The following SLC18A1 variants were observed in gnomAD, a reference collection of about 807,000 sequenced individuals.
SLC18A1 encodes the protein solute carrier family 18 member A1.
Under a neutral mutation model 53.7 loss-of-function variants are expected in SLC18A1, and 69 were observed. That is an observed-to-expected ratio of 1.28 (90% CI 1.06 to 1.57). SLC18A1 has a LOEUF of 1.57. SLC18A1 is among the 40% of genes most tolerant of loss of function. The pLI is 0.00. For missense variants in SLC18A1, 932 were observed against 668.1 expected (o/e 1.40, Z -4.35); for synonymous variants, 320 against 248.1 (o/e 1.29, Z -2.72).
intron 10 of SLC18A1, among the ~76,000 whole-genome samples, chr8:20,158,157 G>T (rs1212540706): frequency 2.6e-5 from 4 of 152,120 alleles, no homozygotes; most frequent in Non-Finnish European, 4.4e-5. Flanking sequence ...TTGAGGGCCA[G>T]GAGGTTAACT....
intron 10 of SLC18A1, among the ~76,000 whole-genome samples, chr8:20,163,779 A>G (rs898697585): frequency 6.6e-5 from 10 of 152,140 alleles, no homozygotes; most frequent in Admixed American, 2.0e-4. Flanking sequence ...GACTTTACAG[A>G]CCAGATAGCA....
chr8:20,179,136 C>G lies in SLC18A1; in HGVS notation c.473G>C (p.Gly158Ala). The change falls in exon 3 of 16, where the codon GGC becomes GCC. Residue 158 changes from glycine to alanine, a missense_variant. By Grantham distance (60) the Gly-to-Ala change is moderately conservative. Transcript: ENST00000276373. ...AGTGAGATACCTGTTGGTGAGAGGG[C>G]CCACGAATGGGTTGACCAGAAGTTG... The part of the protein sequence containing the change: ...VMQLLVNPFV[G>A]PLTNRIGYHI... The G allele has an allele frequency of 6.2e-7, 1 of 1,611,256 alleles. No individual in the cohort carries two copies.
At chr8:20,166,434 A>G (rs572998276) in intron 8 of SLC18A1, among the ~76,000 whole-genome samples, 20 of 150,870 alleles carry the variant, frequency 1.3e-4, no homozygotes, top group Admixed American at 4.0e-4. Flanking sequence ...AAAAGAATAC[A>G]TAGTGTGCTG....
chr8:20,154,609 T>A (rs2071637317), intron 10 of SLC18A1, among the ~76,000 whole-genome samples: 1 of 152,160 alleles, frequency 6.6e-6, no homozygotes, highest in South Asian at 2.1e-4. Context: ...CATCTGGGTC[T>A]CAGTAGGGCA....
chr8:20,177,997 T>C (rs759722440), intron 4 of SLC18A1, among the ~76,000 whole-genome samples: 1 of 152,198 alleles, frequency 6.6e-6, no homozygotes, highest in African/African-American at 2.4e-5. Context: ...ATTTTCCAGA[T>C]GTTATTGTCC....
intron 3 of SLC18A1, 39 bp from the exon 4 acceptor site, chr8:20,178,532 C>A (rs1908809): frequency 0.55 from 821,153 of 1,494,020 alleles, 228,025 homozygotes; most frequent in Non-Finnish European, 0.58. Context: ...ACAATTCCAA[C>A]AGGCACTCAC....
At chr8:20,172,851 G>A (rs996850774) in intron 6 of SLC18A1, among the ~76,000 whole-genome samples, 185 bp downstream of exon 6, 2 of 152,156 alleles carry the variant, frequency 1.3e-5, no homozygotes, top group South Asian at 4.1e-4. Flanking sequence ...TTTCTCCGAC[G>A]TTTATGTGTT....
chr8:20,173,557 G>A (rs1563763940), intron 5 of SLC18A1, among the ~76,000 whole-genome samples: 1 of 152,154 alleles, frequency 6.6e-6, no homozygotes, highest in Non-Finnish European at 1.5e-5. Context: ...AGAAAGTGTG[G>A]GCTAGTGCTG....
At chr8:20,152,471 G>A (rs1460961996) in intron 10 of SLC18A1, among the ~76,000 whole-genome samples, 1 of 152,166 alleles carries the variant, frequency 6.6e-6, no homozygotes, top group Non-Finnish European at 1.5e-5. Flanking sequence ...GAGGTAAGTT[G>A]GTGACATTTT....
chr8:20,146,040 A>C (rs923211830), intron 15 of SLC18A1, among the ~76,000 whole-genome samples, 164 bp from the exon 16 acceptor site: 12 of 151,594 alleles, frequency 7.9e-5, no homozygotes, highest in Non-Finnish European at 1.3e-4. Context: ...CTCAGCCTCC[A>C]GAGTAGCTGG....
Position 20,155,052 on chromosome 8 carries a change from C to T in SLC18A1, c.1016-4308G>A, listed in dbSNP as rs145279218. On this transcript the variant is annotated intron_variant, in intron 10 of 15. Coordinates refer to ENST00000276373, the MANE Select transcript of SLC18A1 (RefSeq NM_003053.4). ...TGCATTCCACGGTTCTCTTCTGTGA[C>T]CCACGGCTTCTAATAGAGCTATAAC... Among the ~76,000 whole-genome samples the T allele has an allele frequency of 4.0e-3, 616 of 152,272 alleles. 5 individuals are homozygous for T. The highest frequency in any genetic ancestry group is 0.014 in the African/African-American group (572 of 41,552).
intron 6 of SLC18A1, among the ~76,000 whole-genome samples, chr8:20,172,605 A>C (rs2072151283): frequency 6.6e-6 from 1 of 152,136 alleles, no homozygotes; most frequent in Admixed American, 6.5e-5. Flanking sequence ...GGCGTTTCCT[A>C]GCTGTGTGAT....
At chr8:20,146,136 C>G (rs1358975464) in intron 15 of SLC18A1, among the ~76,000 whole-genome samples, 4 of 152,168 alleles carry the variant, frequency 2.6e-5, no homozygotes. Context: ...AGAATGGTCT[C>G]GATCTCCTGA....
At chr8:20,178,121 A>AACACACACAC (rs10560327) in intron 4 of SLC18A1, among the ~76,000 whole-genome samples, 17,206 of 148,648 alleles carry the variant, frequency 0.12, 1,067 homozygotes, top group Middle Eastern at 0.22. Flanking sequence ...TGATGCATAT[A>AACACACACAC]ACACACACAC....
chr8:20,163,575 C>A (rs1448087628), intron 10 of SLC18A1, among the ~76,000 whole-genome samples: 1 of 152,116 alleles, frequency 6.6e-6, no homozygotes, highest in Non-Finnish European at 1.5e-5. Flanking sequence ...CTCCCAACAC[C>A]TTTGAGGGAT....
At position 20,174,351 on chromosome 8, in the gene SLC18A1, C is replaced by A; in HGVS notation, c.631+10G>T. 1 of 1,603,712 alleles carries A rather than the reference C, an allele frequency of 6.2e-7. No individual in the cohort carries two copies. The highest frequency in any genetic ancestry group is 2.2e-5 in the East Asian group (1 of 44,796). On this transcript the variant is annotated intron_variant, in intron 5 of 15. Transcript: ENST00000276373. Reference sequence around the variant, plus strand: ...GCATGTGTGTGTGCATGATGAGTTGCCAGTGTTACCTGCAACAGATGAAAA... The same window carrying A: ...GCATGTGTGTGTGCATGATGAGTTGACAGTGTTACCTGCAACAGATGAAAA...
At chr8:20,171,247 C>A in intron 7 of SLC18A1, 101 bp from the exon 8 acceptor site, 1 of 1,403,154 alleles carries the variant, frequency 7.1e-7, no homozygotes, top group South Asian at 1.2e-5. Flanking sequence ...ATAAATTTAA[C>A]TCCCTGAGTT....
At chr8:20,180,703 C>G in intron 2 of SLC18A1, 138 bp downstream of exon 2, 1 of 1,085,996 alleles carries the variant, frequency 9.2e-7, no homozygotes, top group Non-Finnish European at 1.3e-6. Context: ...TTTTTCCAGT[C>G]CCCAACAACC....
chr8:20,181,032 T>A lies in SLC18A1; in HGVS notation c.-68A>T. On this transcript the variant is annotated 5_prime_UTR_variant, in exon 2 of 16. Coordinates refer to ENST00000276373, the MANE Select transcript of SLC18A1 (RefSeq NM_003053.4). The stretch of plus-strand genomic sequence containing the variant: ...GGGAAGGTCCTGTGACAGCTACAGG[T>A]CTCCTGCAGCCTTTATGGAAGAGGG... The A allele has an allele frequency of 6.6e-7, 1 of 1,512,958 alleles. No homozygotes were observed. The highest frequency in any genetic ancestry group is 8.9e-7 in the Non-Finnish European group (1 of 1,122,908). The allele number at this position is 1,512,958 out of a possible 1,614,324, so 93.7% of individuals were successfully genotyped here. A position where few individuals can be genotyped will look rare whatever the true frequency, so the allele number is the denominator to read the frequency against.
Sources: allele counts gnomAD v4.1 joint callset (sites outside exome capture counted in the v4.1 genomes callset), GRCh38; gene constraint gnomAD v4.1.1; transcripts MANE v1.5; gene names NCBI Gene and HGNC (gene_info 2026-07-23, HGNC 2026-07-21).